TAPT1: variants seen among roughly 807,000 people sequenced by gnomAD.
TAPT1 encodes the protein transmembrane anterior posterior transformation protein 1 homolog.
A neutral mutation model predicts 65.6 loss-of-function variants in TAPT1; 28 were observed. That is an observed-to-expected ratio of 0.43 (90% CI 0.32 to 0.59). TAPT1 has a LOEUF of 0.59. Ranked by LOEUF, TAPT1 falls within the 20% of genes least tolerant of loss-of-function variation. The pLI, the probability that TAPT1 is intolerant of heterozygous loss-of-function variation, is 0.09. For synonymous variants in TAPT1, 278 were observed against 245.2 expected (o/e 1.13, Z -1.25); for missense variants, 563 against 679.9 (o/e 0.83, Z 1.91).
chr4:16,217,939 A>T (rs1174922420), intron 1 of TAPT1, among the ~76,000 whole-genome samples: 3 of 152,216 alleles, frequency 2.0e-5, no homozygotes, highest in Non-Finnish European at 2.9e-5. Flanking sequence ...ACCATGATGC[A>T]GTCACAGCCA....
chr4:16,174,159 T>C, intron 11 of TAPT1, 45 bp downstream of exon 11: 9 of 1,352,060 alleles, frequency 6.7e-6, no homozygotes, highest in Non-Finnish European at 8.2e-6. Flanking sequence ...TATTCTATAA[T>C]GATGGCTACT....
At chr4:16,174,583 A>T in intron 10 of TAPT1, 87 bp downstream of exon 10, 1 of 1,228,206 alleles carries the variant, frequency 8.1e-7, no homozygotes, top group Non-Finnish European at 1.1e-6. Flanking sequence ...TCCTTTAGTT[A>T]ATATTTCATG....
At chr4:16,207,439 A>G (rs987143162) in intron 2 of TAPT1, among the ~76,000 whole-genome samples, 2 of 152,212 alleles carry the variant, frequency 1.3e-5, no homozygotes, top group African/African-American at 2.4e-5. Context: ...ATTTTTTCCT[A>G]AATGTTAACC....
chr4:16,221,406 G>A (rs1002681208), intron 1 of TAPT1, among the ~76,000 whole-genome samples: 3 of 152,154 alleles, frequency 2.0e-5, no homozygotes, highest in Non-Finnish European at 2.9e-5. Context: ...GATTACAGGA[G>A]TGAGCCACCG....
At chr4:16,205,879 T>C (rs1224723250) in intron 2 of TAPT1, among the ~76,000 whole-genome samples, 1 of 152,194 alleles carries the variant, frequency 6.6e-6, no homozygotes, top group African/African-American at 2.4e-5. Context: ...CCTTGTCTTT[T>C]GACTGTTTTC....
chr4:16,219,798 G>A (rs996478446), intron 1 of TAPT1, among the ~76,000 whole-genome samples: 1 of 152,194 alleles, frequency 6.6e-6, no homozygotes, highest in Non-Finnish European at 1.5e-5. Flanking sequence ...TGAAAAAACT[G>A]AGGTTCACAG....
intron 7 of TAPT1, 57 bp downstream of exon 7, chr4:16,186,478 G>T: frequency 2.5e-6 from 3 of 1,192,190 alleles, no homozygotes; most frequent in South Asian, 1.4e-5. Context: ...TAGGATTTCA[G>T]AATGAACTGC....
At chr4:16,188,903 G>A (rs549587265) in intron 4 of TAPT1, among the ~76,000 whole-genome samples, 73 of 148,888 alleles carry the variant, frequency 4.9e-4, no homozygotes, top group African/African-American at 1.8e-3. Flanking sequence ...CTGGGTGACA[G>A]CGCGACTCTG....
chr4:16,221,338 C>A (rs1211747517), intron 1 of TAPT1, among the ~76,000 whole-genome samples: 1 of 152,064 alleles, frequency 6.6e-6, no homozygotes, highest in Non-Finnish European at 1.5e-5. Flanking sequence ...GTTGCCCATA[C>A]TGGTCTCGAA....
intron 1 of TAPT1, among the ~76,000 whole-genome samples, chr4:16,225,234 G>C (rs1212961051): frequency 1.3e-5 from 2 of 152,206 alleles, no homozygotes; most frequent in African/African-American, 4.8e-5. Context: ...AAATCAATTA[G>C]AATCGCATCT....
Position 16,165,456 on chromosome 4 carries a change from G to T in TAPT1, c.1474+1177C>A, listed in dbSNP as rs191731151. ...GTGGTGGTGGGCGCCTGTAGTCCCAGCTACTCGAGAGGCCGAGGCAGGAGA... is the reference window on the plus strand; with the variant it reads ...GTGGTGGTGGGCGCCTGTAGTCCCATCTACTCGAGAGGCCGAGGCAGGAGA... On this transcript the variant is annotated intron_variant, in intron 13 of 13. Transcript: ENST00000405303. 9.0e-4 allele frequency among the ~76,000 whole-genome samples: 136 copies of T among 151,582 alleles called. 2 individuals are homozygous for T. The East Asian group carries it at 0.025, about 28-fold the overall frequency.
Position 16,174,691 on chromosome 4 carries a change from A to G in TAPT1, c.1146T>C (p.Leu382=), listed in dbSNP as rs1254607522. ...SEYRASLAFD[L]VSSRQKNAYT... ...TCACATTTTTCTGTCGGCTGCTAAC[A>G]AGGTCAAAAGCAAGACTGGCTCTAT... is the stretch of plus-strand genomic sequence containing the variant. The change falls in exon 10 of 14, where the codon CTT becomes CTC. Residue 382 remains leucine (L), a synonymous_variant. Transcript: ENST00000405303. 1.3e-6 allele frequency: 2 copies of G among 1,594,516 alleles called. No individual in the cohort carries two copies. The highest frequency in any genetic ancestry group is 1.7e-6 in the Non-Finnish European group (2 of 1,169,966).
At chr4:16,179,685 C>A in intron 7 of TAPT1, 28 bp from the exon 8 acceptor site, 1 of 1,226,910 alleles carries the variant, frequency 8.2e-7, no homozygotes, top group South Asian at 1.4e-5. Flanking sequence ...AACATAAGTA[C>A]TGTAGTGTAT....
In TAPT1 at chr4:16,162,822, T is replaced by C. The variant is rs970536020; in HGVS notation, c.*486A>G. 3.8e-5 allele frequency: 12 copies of C among 316,100 alleles called. No homozygotes were observed. The highest frequency in any genetic ancestry group is 2.2e-4 in the African/African-American group (10 of 46,160). The allele number at this position is 316,100 out of a possible 1,614,324, so 19.6% of individuals were successfully genotyped here. Reference sequence around the variant, plus strand: ...ATTCTGGTGGTAAGAACATTTATCTTGACTTATGTTTAATTTTTTTAATGC... The same window carrying C: ...ATTCTGGTGGTAAGAACATTTATCTCGACTTATGTTTAATTTTTTTAATGC... On this transcript the variant is annotated 3_prime_UTR_variant, in exon 14 of 14. Transcript: ENST00000405303.
At chr4:16,180,958 T>C (rs1748676614) in intron 7 of TAPT1, among the ~76,000 whole-genome samples, 2 of 152,180 alleles carry the variant, frequency 1.3e-5, no homozygotes. Context: ...AGATGCCTCT[T>C]TAGGAGGCAG....
At chr4:16,189,889 CGAA>C (rs1749258209) in intron 4 of TAPT1, among the ~76,000 whole-genome samples, 2 of 152,002 alleles carry the variant, frequency 1.3e-5, no homozygotes, top group Non-Finnish European at 2.9e-5. Context: ...GGAAAGCCTA[CGAA>C]GGAGAGACTA....
Position 16,176,128 on chromosome 4 carries a change from A to T in TAPT1, c.1098T>A (p.Ile366=). 1 of 1,502,670 alleles carries T rather than the reference A, an allele frequency of 6.7e-7. No individual in the cohort carries two copies. Among genetic ancestry groups the T allele is most frequent in the Non-Finnish European group, 9.1e-7 (1 of 1,103,702 alleles). The allele number at this position is 1,502,670 out of a possible 1,614,324, so 93.1% of individuals were successfully genotyped here. The change falls in exon 9 of 14, where the codon ATT becomes ATA. Residue 366 remains isoleucine (I), a synonymous_variant. Coordinates refer to ENST00000405303, the MANE Select transcript of TAPT1 (RefSeq NM_153365.3). ...KHAFITKFND[I]TADVYSEYRA... is the part of the protein sequence containing the mutation. ...ATATCAAAATACATACATCTGCAGT[A>T]ATGTCATTGAATTTAGTAATAAAGG...
At chr4:16,171,087 G>A (rs1747962596) in intron 11 of TAPT1, among the ~76,000 whole-genome samples, 1 of 152,140 alleles carries the variant, frequency 6.6e-6, no homozygotes, top group Non-Finnish European at 1.5e-5. Flanking sequence ...ATATTATTCT[G>A]CAAAGTACAA....
Position 16,179,644 on chromosome 4 carries a change from T to C in TAPT1, c.930A>G (p.Arg310=), listed in dbSNP as rs1474531894. Residue 310 remains arginine, a synonymous_variant, in exon 8 of 14, where the codon CGA becomes CGG. Coordinates refer to ENST00000405303, the MANE Select transcript of TAPT1 (RefSeq NM_153365.3). Reference sequence around the variant, plus strand: ...TCAGTAAAAGCACATAATTTGTGAATCGTTCCTTAATATCTAAAAGAAAAA... The same window carrying C: ...TCAGTAAAAGCACATAATTTGTGAACCGTTCCTTAATATCTAAAAGAAAAA... ...FQMSNSDIKE[R]FTNYVLLLIV... 1 of 1,535,640 alleles carries C rather than the reference T, an allele frequency of 6.5e-7. No homozygotes were observed. The highest frequency in any genetic ancestry group is 1.4e-5 in the African/African-American group (1 of 72,080).
Sources: allele counts gnomAD v4.1 joint callset (sites outside exome capture counted in the v4.1 genomes callset), GRCh38; gene constraint gnomAD v4.1.1; transcripts MANE v1.5; gene names NCBI Gene and HGNC (gene_info 2026-07-23, HGNC 2026-07-21).